The following ANO2 variants were observed in gnomAD, a reference collection of about 807,000 sequenced individuals.
The protein encoded by ANO2 is anoctamin 2, also known as anoctamin-2.
ANO2 carries 101 observed loss-of-function variants against 124.2 expected under a neutral mutation model. The observed-to-expected ratio is 0.81, with a 90% CI of 0.69 to 0.96. ANO2 has a LOEUF of 0.96. ANO2 is among the 40% of genes least tolerant of loss of function. The pLI is 0.00. For synonymous variants in ANO2, 486 were observed against 482.5 expected, an observed-to-expected ratio of 1.01 and a Z score of -0.09; for missense variants, 1,293 against 1,274.5, an observed-to-expected ratio of 1.01 and a Z score of -0.22.
At chr12:5,938,512 T>C (rs1942751923) in intron 1 of ANO2, among the ~76,000 whole-genome samples, 1 of 152,196 alleles carries the variant, frequency 6.6e-6, no homozygotes, top group South Asian at 2.1e-4. Flanking sequence ...CCCAGTCTAT[T>C]TTATTTACTT....
At chr12:5,749,251 C>CT (rs1316293392) in intron 11 of ANO2, among the ~76,000 whole-genome samples, 1 of 152,236 alleles carries the variant, frequency 6.6e-6, no homozygotes, top group Non-Finnish European at 1.5e-5. Flanking sequence ...ACCCCCAACT[C>CT]TAATGATCCG....
chr12:5,814,570 A>T (rs978461559), intron 7 of ANO2, among the ~76,000 whole-genome samples: 1 of 152,188 alleles, frequency 6.6e-6, no homozygotes, highest in African/African-American at 2.4e-5. Context: ...CCTACACGAC[A>T]TCCTATCCAT....
chr12:5,912,701 T>TC lies in ANO2; in HGVS notation c.534+8338dup, dbSNP rs911311856. Reference sequence around the variant, plus strand: ...GGGGCTGCAGAGTTCTTTGTTGTGTTCCCCAAAGATCCCTCGGGGTAGGAA... The same window carrying TC: ...GGGGCTGCAGAGTTCTTTGTTGTGTTCCCCCAAAGATCCCTCGGGGTAGGAA... On this transcript the variant is annotated intron_variant, in intron 3 of 24. Coordinates refer to ENST00000682330, the MANE Select transcript of ANO2 (RefSeq NM_001364791.2). Among the ~76,000 whole-genome samples the TC allele has an allele frequency of 7.9e-5, 12 of 152,138 alleles. 1 individual carries two copies. The highest frequency in any genetic ancestry group is 2.2e-4 in the African/African-American group (9 of 41,508).
At chr12:5,668,323 CAT>C (rs2136983315) in intron 14 of ANO2, among the ~76,000 whole-genome samples, 1 of 152,230 alleles carries the variant, frequency 6.6e-6, no homozygotes, top group East Asian at 1.9e-4. Flanking sequence ...AGCTTTTATT[CAT>C]ATGTTTGTTG....
intron 23 of ANO2, among the ~76,000 whole-genome samples, chr12:5,574,486 C>G (rs193050584): frequency 6.6e-6 from 1 of 152,266 alleles, no homozygotes; most frequent in Non-Finnish European, 1.5e-5. Context: ...ATTAGACTCT[C>G]TCAGCATATT....
chr12:5,568,695 C>T (rs905106789), intron 23 of ANO2, among the ~76,000 whole-genome samples: 2 of 152,086 alleles, frequency 1.3e-5, no homozygotes, highest in African/African-American at 4.8e-5. Context: ...GCTAATCAAC[C>T]GAATAATTTC....
chr12:5,578,016 C>T lies in ANO2; in HGVS notation c.2387-9G>A. On this transcript the variant is annotated splice_polypyrimidine_tract_variant and intron_variant, in intron 21 of 24. Transcript: ENST00000682330. ...AATGTCAAACCAGATTCCTACAAGA[C>T]AGAAAAGACAGCGTCTGGCTCACTC... is the stretch of plus-strand genomic sequence containing the variant. 6.2e-7 allele frequency: 1 copy of T among 1,613,526 alleles called. No homozygotes were observed. The highest frequency in any genetic ancestry group is 8.5e-7 in the Non-Finnish European group (1 of 1,179,682).
chr12:5,649,849 T>A (rs557194925), intron 14 of ANO2, among the ~76,000 whole-genome samples: 2 of 152,220 alleles, frequency 1.3e-5, no homozygotes, highest in African/African-American at 4.8e-5. Context: ...TTTCACCATA[T>A]TAGCCAGGAT....
At chr12:5,593,860 A>G (rs140693384) in intron 20 of ANO2, among the ~76,000 whole-genome samples, 101 of 152,266 alleles carry the variant, frequency 6.6e-4, no homozygotes, top group African/African-American at 2.4e-3. Flanking sequence ...CAGTGGTTCA[A>G]CGGCAGTACC....
At chr12:5,809,051 G>A (rs926066982) in intron 7 of ANO2, among the ~76,000 whole-genome samples, 1 of 152,196 alleles carries the variant, frequency 6.6e-6, no homozygotes, top group African/African-American at 2.4e-5. Flanking sequence ...GTCCTTTCCT[G>A]ATTTTAAGTT....
chr12:5,877,113 T>C (rs1938158173), intron 3 of ANO2, among the ~76,000 whole-genome samples: 1 of 152,150 alleles, frequency 6.6e-6, no homozygotes, highest in Admixed American at 6.5e-5. Flanking sequence ...TAATGTGACC[T>C]TATTTATGGA....
Position 5,612,684 on chromosome 12 carries a change from G to C in ANO2, c.2059C>G (p.Gln687Glu), listed in dbSNP as rs1425851125. ...SIIMLGKQLI[Q>E]NNIFEIGVPK... ...ACTCCAATCTCAAAGATGTTGTTCTGGATCAACTGCTTCCCCAACATGATG... is the reference window on the plus strand; with the variant it reads ...ACTCCAATCTCAAAGATGTTGTTCTCGATCAACTGCTTCCCCAACATGATG... The change falls in exon 19 of 25, where the codon CAG (glutamine) becomes GAG (glutamate). Residue 687 changes from glutamine (Q) to glutamate (E), a missense_variant. Physicochemically the swap from Gln to Glu is conservative, Grantham distance 29 (BLOSUM62 2). Coordinates refer to ENST00000682330, the MANE Select transcript of ANO2 (RefSeq NM_001364791.2). The C allele has an allele frequency of 7.4e-6, 12 of 1,613,780 alleles. No homozygotes were observed. Among genetic ancestry groups the C allele is most frequent in the Non-Finnish European group, 1.0e-5 (12 of 1,179,876 alleles).
intron 10 of ANO2, among the ~76,000 whole-genome samples, chr12:5,753,437 C>T (rs1202135762): frequency 6.6e-6 from 1 of 152,182 alleles, no homozygotes; most frequent in African/African-American, 2.4e-5. Context: ...TGCTTAGGAA[C>T]AAAAGGGAGG....
intron 1 of ANO2, among the ~76,000 whole-genome samples, chr12:5,923,257 T>TACACACACACAC (rs34200084): frequency 1.3e-5 from 1 of 74,346 alleles, no homozygotes; most frequent in East Asian, 7.3e-4. Context: ...TACACACACA[T>TACACACACACAC]ACACACACAC....
chr12:5,588,906 G>C (rs185419673), intron 20 of ANO2, among the ~76,000 whole-genome samples: 8 of 152,224 alleles, frequency 5.3e-5, no homozygotes, highest in African/African-American at 1.9e-4. Context: ...CATGCCCTAG[G>C]CCACACTGCT....
chr12:5,716,035 TAAGTA>T (rs1315115515), intron 14 of ANO2, among the ~76,000 whole-genome samples: 1 of 152,228 alleles, frequency 6.6e-6, no homozygotes, highest in African/African-American at 2.4e-5. Flanking sequence ...GATACAAAGT[TAAGTA>T]TTCAACAATA....
intron 11 of ANO2, among the ~76,000 whole-genome samples, chr12:5,747,547 C>G (rs1461894806): frequency 1.3e-5 from 2 of 152,148 alleles, no homozygotes; most frequent in African/African-American, 4.8e-5. Flanking sequence ...CAGGCCCCAT[C>G]CTGAGTCTGA....
chr12:5,726,872 G>T (rs1304973554), intron 14 of ANO2, among the ~76,000 whole-genome samples: 1 of 152,184 alleles, frequency 6.6e-6, no homozygotes, highest in African/African-American at 2.4e-5. Flanking sequence ...CTCAGAACTG[G>T]AGAGGCTGTG....
chr12:5,940,085 GGATGGATA>G (rs1170564037), intron 1 of ANO2, among the ~76,000 whole-genome samples: 35 of 125,262 alleles, frequency 2.8e-4, no homozygotes, highest in African/African-American at 1.1e-3. Flanking sequence ...ATGGATGGAT[GGATGGATA>G]GATGGATGGA....
Sources: allele counts gnomAD v4.1 joint callset (sites outside exome capture counted in the v4.1 genomes callset), GRCh38; gene constraint gnomAD v4.1.1; transcripts MANE v1.5; gene names NCBI Gene and HGNC (gene_info 2026-07-23, HGNC 2026-07-21).